DCC: variants seen among roughly 807,000 people sequenced by gnomAD.
The protein encoded by DCC is netrin receptor DCC.
DCC carries 58 observed loss-of-function variants against 172.5 expected under a neutral mutation model. The ratio of observed to expected loss-of-function variants is 0.34; its 90% CI spans 0.27 to 0.42. DCC has a LOEUF of 0.42. Among genes scored for constraint, DCC ranks in the 10% least tolerant of loss-of-function variants. DCC has a pLI of 1.00. For synonymous variants in DCC, 709 were observed against 644.5 expected, an observed-to-expected ratio of 1.10 and a Z score of -1.52; for missense variants, 1,740 against 1,791.0, an observed-to-expected ratio of 0.97 and a Z score of 0.51.
chr18:52,922,078 A>AGC (rs5824979), intron 3 of DCC, among the ~76,000 whole-genome samples: 59,535 of 151,832 alleles, frequency 0.39, 12,251 homozygotes, highest in Non-Finnish European at 0.47. Context: ...AAGGAAATGA[A>AGC]GCATACCATC....
intron 5 of DCC, among the ~76,000 whole-genome samples, chr18:53,062,242 A>G (rs559259888): frequency 2.6e-5 from 4 of 152,126 alleles, no homozygotes; most frequent in Non-Finnish European, 5.9e-5. Flanking sequence ...GGCAATGGCC[A>G]TCAAAGATTG....
At chr18:53,378,644 A>G (rs1294750861) in intron 15 of DCC, among the ~76,000 whole-genome samples, 1 of 152,210 alleles carries the variant, frequency 6.6e-6, no homozygotes, top group Non-Finnish European at 1.5e-5. Context: ...GCAATTCAAC[A>G]AATATTTGTT....
chr18:52,406,804 C>T (rs1986669489), intron 1 of DCC, among the ~76,000 whole-genome samples: 1 of 151,900 alleles, frequency 6.6e-6, no homozygotes, highest in African/African-American at 2.4e-5. Context: ...TGATAGTTAC[C>T]CAGTGTAGCA....
At chr18:52,361,584 C>A (rs1396157773) in intron 1 of DCC, among the ~76,000 whole-genome samples, 2 of 152,196 alleles carry the variant, frequency 1.3e-5, no homozygotes, top group Admixed American at 1.3e-4. Flanking sequence ...TGTTCAACTG[C>A]CCTCTTGAAC....
intron 1 of DCC, among the ~76,000 whole-genome samples, chr18:52,442,924 C>T (rs1455653746): frequency 5.9e-5 from 9 of 151,968 alleles, no homozygotes; most frequent in Admixed American, 5.2e-4. Context: ...CCAACCCCCA[C>T]ATGAAGAGAA....
At chr18:52,630,552 T>A (rs540938833) in intron 1 of DCC, among the ~76,000 whole-genome samples, 3 of 152,248 alleles carry the variant, frequency 2.0e-5, no homozygotes, top group African/African-American at 7.2e-5. Context: ...ACATGGTAAA[T>A]GCCAGAAATC....
At chr18:53,060,555 C>T (rs2042479277) in intron 5 of DCC, among the ~76,000 whole-genome samples, 1 of 152,066 alleles carries the variant, frequency 6.6e-6, no homozygotes, top group Admixed American at 6.6e-5. Flanking sequence ...CTCACATATA[C>T]GTTTGTAATC....
chr18:53,348,753 A>G (rs547170268), intron 15 of DCC, among the ~76,000 whole-genome samples: 1 of 152,142 alleles, frequency 6.6e-6, no homozygotes. Flanking sequence ...CACTGAAACC[A>G]TGGCCCTATC....
intron 7 of DCC, among the ~76,000 whole-genome samples, chr18:53,154,719 T>A (rs919010840): frequency 6.6e-6 from 1 of 151,578 alleles, no homozygotes; most frequent in African/African-American, 2.4e-5. Flanking sequence ...TGAAGGAGAG[T>A]CAGGAATCAA....
chr18:53,053,584 A>AC (rs2042363144), intron 5 of DCC, among the ~76,000 whole-genome samples: 1 of 152,176 alleles, frequency 6.6e-6, no homozygotes. Flanking sequence ...TCTGTAATGC[A>AC]GTTAAAAAGA....
chr18:53,002,683 G>A (rs2143848170), intron 5 of DCC, among the ~76,000 whole-genome samples: 1 of 152,028 alleles, frequency 6.6e-6, no homozygotes, highest in African/African-American at 2.4e-5. Flanking sequence ...TATACTTTAA[G>A]TTTTAGGGTA....
At chr18:52,829,270 AT>A (rs2038567851) in intron 2 of DCC, among the ~76,000 whole-genome samples, 3 of 152,324 alleles carry the variant, frequency 2.0e-5, no homozygotes, top group African/African-American at 7.2e-5. Flanking sequence ...GAGATTTCTC[AT>A]TGTACTAAAA....
chr18:52,911,828 G>C (rs115814507), intron 3 of DCC, among the ~76,000 whole-genome samples: 1 of 151,662 alleles, frequency 6.6e-6, no homozygotes, highest in South Asian at 2.1e-4. Context: ...GTATAAACAG[G>C]GTGCACTTAG....
intron 1 of DCC, among the ~76,000 whole-genome samples, chr18:52,372,631 T>G (rs1985171586): frequency 6.6e-6 from 1 of 152,170 alleles, no homozygotes; most frequent in Admixed American, 6.5e-5. Context: ...TTAACGTGAG[T>G]GTGAAACCAT....
At position 52,917,690 on chromosome 18, in the gene DCC, A is replaced by G. The variant is rs147950464; in HGVS notation, c.698-6017A>G. Among the ~76,000 whole-genome samples the G allele has an allele frequency of 8.3e-3, 1,263 of 152,300 alleles. 8 individuals carry two copies. Among genetic ancestry groups the G allele is most frequent in the Non-Finnish European group, 0.014 (964 of 68,028 alleles). ...AAGGCACCCTGTGTAGCCTGAGATC[A>G]GTATCACTGTAATGACTGTTTTCTC... On this transcript the variant is annotated intron_variant, in intron 3 of 28. Coordinates refer to ENST00000442544, the MANE Select transcript of DCC (RefSeq NM_005215.4).
intron 5 of DCC, among the ~76,000 whole-genome samples, chr18:52,951,348 G>A (rs899836535): frequency 2.0e-5 from 3 of 152,074 alleles, no homozygotes; most frequent in African/African-American, 4.8e-5. Context: ...CATGTGCCAC[G>A]GTGGTTTGCT....
intron 12 of DCC, among the ~76,000 whole-genome samples, chr18:53,281,300 A>G (rs1164358068): frequency 6.6e-6 from 1 of 152,172 alleles, no homozygotes; most frequent in Non-Finnish European, 1.5e-5. Context: ...TTAAGATATT[A>G]TCCAACATTT....
intron 1 of DCC, among the ~76,000 whole-genome samples, chr18:52,711,064 G>C (rs1276431303): frequency 6.6e-6 from 1 of 152,132 alleles, no homozygotes; most frequent in Non-Finnish European, 1.5e-5. Flanking sequence ...GAAAGCCAAA[G>C]AGTTGATTGT....
At chr18:53,253,245 C>T (rs1598949556) in intron 12 of DCC, among the ~76,000 whole-genome samples, 1 of 151,874 alleles carries the variant, frequency 6.6e-6, no homozygotes, top group Non-Finnish European at 1.5e-5. Flanking sequence ...CCGTCCACCC[C>T]CTCTTCCTAT....
Sources: gnomAD v4.1 joint callset for allele counts (sites outside exome capture counted in the v4.1 genomes callset) on GRCh38, gnomAD v4.1.1 for gene constraint, MANE v1.5 for transcripts, NCBI Gene and HGNC (gene_info 2026-07-23, HGNC 2026-07-21) for gene names.